The following RORA variants were observed in gnomAD, a reference collection of about 807,000 sequenced individuals.
The protein encoded by RORA is RAR related orphan receptor A, also known as nuclear receptor ROR-alpha.
In RORA, 7 loss-of-function variants were observed where a neutral mutation model predicts 69.5. The ratio of observed to expected loss-of-function variants is 0.10; its 90% CI spans 0.06 to 0.19. The LOEUF (loss-of-function observed/expected upper bound fraction) is 0.19, where lower values mean the gene tolerates loss of function less well. RORA is among the 10% of genes least tolerant of loss of function. The pLI, the probability that RORA is intolerant of heterozygous loss-of-function variation, is 1.00. For missense variants in RORA, 457 were observed against 663.0 expected (o/e 0.69, Z 3.41); for synonymous variants, 261 against 240.8 (o/e 1.08, Z -0.78).
chr15:60,639,691 A>G (rs546699301), intron 2 of RORA, among the ~76,000 whole-genome samples: 1 of 152,344 alleles, frequency 6.6e-6, no homozygotes, highest in South Asian at 2.1e-4. Context: ...TTCCAGCTAC[A>G]GCACCTCAGG....
At chr15:60,893,241 C>G (rs996631852) in intron 1 of RORA, among the ~76,000 whole-genome samples, 1 of 152,202 alleles carries the variant, frequency 6.6e-6, no homozygotes, top group Admixed American at 6.5e-5. Flanking sequence ...ATTCCCCAAA[C>G]CCCCTATCCC....
intron 1 of RORA, among the ~76,000 whole-genome samples, chr15:61,115,211 C>T (rs1596001156): frequency 6.6e-6 from 1 of 151,938 alleles, no homozygotes; most frequent in Non-Finnish European, 1.5e-5. Flanking sequence ...AGCTGGCTTT[C>T]GCATCCTTTA....
intron 1 of RORA, among the ~76,000 whole-genome samples, chr15:60,890,803 G>A (rs2073805327): frequency 6.6e-6 from 1 of 152,162 alleles, no homozygotes; most frequent in African/African-American, 2.4e-5. Flanking sequence ...TAAGTTCAAG[G>A]CAGAACAATG....
intron 3 of RORA, among the ~76,000 whole-genome samples, chr15:60,525,461 A>T (rs2066323035): frequency 6.6e-6 from 1 of 152,196 alleles, no homozygotes; most frequent in Admixed American, 6.5e-5. Flanking sequence ...TGATTCCTAC[A>T]GTTCATTAAC....
chr15:60,842,255 C>G (rs947073694), intron 1 of RORA, among the ~76,000 whole-genome samples: 2 of 152,060 alleles, frequency 1.3e-5, no homozygotes, highest in Non-Finnish European at 2.9e-5. Flanking sequence ...GAAGATTTCC[C>G]CAAACAGCAA....
intron 1 of RORA, among the ~76,000 whole-genome samples, chr15:60,927,285 T>C (rs1181471749): frequency 6.6e-6 from 1 of 152,206 alleles, no homozygotes; most frequent in African/African-American, 2.4e-5. Flanking sequence ...CTCTATCCTA[T>C]GCGATATGGA....
chr15:60,506,656 C>T (rs190149296), intron 5 of RORA, among the ~76,000 whole-genome samples: 1 of 151,962 alleles, frequency 6.6e-6, no homozygotes, highest in Non-Finnish European at 1.5e-5. Context: ...AGTTCAAGAC[C>T]AGCCTGGCCA....
chr15:60,689,850 G>C (rs891870276), intron 1 of RORA, among the ~76,000 whole-genome samples: 11 of 152,274 alleles, frequency 7.2e-5, no homozygotes, highest in Admixed American at 2.6e-4. Context: ...AGCTAGGAGA[G>C]AGGCTTCAGG....
intron 1 of RORA, among the ~76,000 whole-genome samples, chr15:61,151,438 G>A (rs1440105393): frequency 6.6e-6 from 1 of 152,178 alleles, no homozygotes; most frequent in African/African-American, 2.4e-5. Flanking sequence ...GGAAAGATAT[G>A]TCTAGAACAA....
At chr15:60,980,457 C>T (rs1295126172) in intron 1 of RORA, among the ~76,000 whole-genome samples, 2 of 152,110 alleles carry the variant, frequency 1.3e-5, no homozygotes, top group Non-Finnish European at 2.9e-5. Context: ...AGGATTGGTG[C>T]TAACTTTTCT....
chr15:61,221,301 T>C (rs2080093555), intron 1 of RORA, among the ~76,000 whole-genome samples: 1 of 152,220 alleles, frequency 6.6e-6, no homozygotes. Flanking sequence ...AACTGCACAG[T>C]AGTTAATAGT....
At chr15:60,816,192 T>C (rs2072815150) in intron 1 of RORA, among the ~76,000 whole-genome samples, 1 of 12,800 alleles carries the variant, frequency 7.8e-5, no homozygotes, top group Non-Finnish European at 1.3e-4. Flanking sequence ...ATTTATATAC[T>C]GTAAACAGTA....
intron 2 of RORA, among the ~76,000 whole-genome samples, chr15:60,549,767 A>C (rs2067178075): frequency 6.6e-6 from 1 of 152,308 alleles, no homozygotes; most frequent in South Asian, 2.1e-4. Context: ...TTCCCAATCA[A>C]CAAAACAAAC....
chr15:61,194,559 T>G (rs1193951117), intron 1 of RORA, among the ~76,000 whole-genome samples: 1 of 114,102 alleles, frequency 8.8e-6, no homozygotes, highest in African/African-American at 2.9e-5. Context: ...AAAAAAAAGC[T>G]GTAACACTTC....
intron 1 of RORA, among the ~76,000 whole-genome samples, chr15:60,946,144 T>C (rs1422595553): frequency 1.3e-5 from 2 of 152,074 alleles, no homozygotes; most frequent in African/African-American, 2.4e-5. Flanking sequence ...CTGAGGGTGA[T>C]TCCGCACAGC....
intron 1 of RORA, among the ~76,000 whole-genome samples, chr15:60,788,558 A>G (rs753614632): frequency 2.0e-5 from 3 of 152,208 alleles, no homozygotes; most frequent in Non-Finnish European, 4.4e-5. Context: ...ACCAAGAAGA[A>G]GCCGCCTCAG....
intron 1 of RORA, among the ~76,000 whole-genome samples, chr15:61,129,500 A>G (rs2079171433): frequency 6.6e-6 from 1 of 152,012 alleles, no homozygotes; most frequent in South Asian, 2.1e-4. Flanking sequence ...GCTCGGGGGG[A>G]TGAAAAGGTT....
chr15:60,562,431 T>TA (rs1555431519), intron 2 of RORA, among the ~76,000 whole-genome samples: 4 of 142,720 alleles, frequency 2.8e-5, no homozygotes, highest in African/African-American at 8.1e-5. Context: ...GAGGCGGGGT[T>TA]GGGGGGGGGT....
At chr15:61,179,062 C>T (rs1022981842) in intron 1 of RORA, among the ~76,000 whole-genome samples, 4 of 152,136 alleles carry the variant, frequency 2.6e-5, no homozygotes, top group African/African-American at 7.2e-5. Context: ...TCTCCTCTGC[C>T]GGGATGTAAT....
Sources: gnomAD v4.1 joint callset for allele counts (sites outside exome capture counted in the v4.1 genomes callset) on GRCh38, gnomAD v4.1.1 for gene constraint, MANE v1.5 for transcripts, NCBI Gene and HGNC (gene_info 2026-07-23, HGNC 2026-07-21) for gene names.